The following IL1RAPL2 variants were observed in gnomAD, a reference collection of about 807,000 sequenced individuals.
IL1RAPL2 encodes X-linked interleukin-1 receptor accessory protein-like 2.
Under a neutral mutation model 44.1 loss-of-function variants are expected in IL1RAPL2, and 3 were observed. The ratio of observed to expected loss-of-function variants is 0.07; its 90% CI spans 0.03 to 0.18. The LOEUF (loss-of-function observed/expected upper bound fraction) is 0.18, where lower values mean the gene tolerates loss of function less well. IL1RAPL2 is among the 10% of genes least tolerant of loss of function. The pLI is 1.00. For synonymous variants in IL1RAPL2, 181 were observed against 178.8 expected (o/e 1.01, Z -0.10); for missense variants, 391 against 496.4 (o/e 0.79, Z 2.02).
intron 6 of IL1RAPL2, among the ~76,000 whole-genome samples, chrX:105,712,150 G>A (rs1366455889): frequency 8.9e-6 from 1 of 112,271 alleles, no homozygotes; most frequent in East Asian, 2.9e-4. Flanking sequence ...ACTGTCTGTG[G>A]TAGCTCTAGC....
chrX:105,749,481 T>C (rs2038578503), intron 9 of IL1RAPL2, among the ~76,000 whole-genome samples: 1 of 111,930 alleles, frequency 8.9e-6, no homozygotes, highest in Non-Finnish European at 1.9e-5. Flanking sequence ...TCCAATTTTT[T>C]TCAGAAAATG....
At chrX:105,714,618 G>A (rs191733803) in intron 6 of IL1RAPL2, among the ~76,000 whole-genome samples, 8 of 111,596 alleles carry the variant, frequency 7.2e-5, no homozygotes, top group East Asian at 2.8e-4. Context: ...ACAGAGAGAG[G>A]AAATCCAGCT....
At chrX:105,599,484 A>C (rs2037235178) in intron 6 of IL1RAPL2, among the ~76,000 whole-genome samples, 1 of 111,553 alleles carries the variant, frequency 9.0e-6, no homozygotes, top group Non-Finnish European at 1.9e-5. Flanking sequence ...ATTGAGTGTA[A>C]TATACCAGAC....
At chrX:105,113,442 G>A (rs918663289) in intron 2 of IL1RAPL2, among the ~76,000 whole-genome samples, 1 of 112,470 alleles carries the variant, frequency 8.9e-6, no homozygotes, top group African/African-American at 3.2e-5. Context: ...AGAGAGATTT[G>A]GAGGTGGGAC....
intron 6 of IL1RAPL2, among the ~76,000 whole-genome samples, chrX:105,649,885 G>C (rs1051891956): frequency 8.9e-6 from 1 of 111,753 alleles, no homozygotes; most frequent in Non-Finnish European, 1.9e-5. Context: ...CCAAGGAGGA[G>C]AGAAAAGATA....
intron 2 of IL1RAPL2, among the ~76,000 whole-genome samples, chrX:105,132,989 A>G (rs1347471407): frequency 1.8e-5 from 2 of 112,214 alleles, no homozygotes; most frequent in African/African-American, 3.2e-5. Context: ...GTATTCAATA[A>G]AAATGTTTCT....
chrX:105,263,764 G>A (rs1339164732), intron 4 of IL1RAPL2, among the ~76,000 whole-genome samples: 1 of 111,348 alleles, frequency 9.0e-6, no homozygotes, highest in African/African-American at 3.3e-5. Flanking sequence ...TGAGGGGATA[G>A]CAAGGCCACA....
At chrX:104,693,244 G>GA (rs1240608154) in intron 2 of IL1RAPL2, among the ~76,000 whole-genome samples, 2 of 111,337 alleles carry the variant, frequency 1.8e-5, no homozygotes, top group Non-Finnish European at 3.8e-5. Context: ...CATGTGTTAG[G>GA]AAAAAACTGG....
At position 105,224,729 on chromosome X, in the gene IL1RAPL2, A is replaced by T. The variant is rs1347581642; in HGVS notation, c.357-9089A>T. Among the ~76,000 whole-genome samples the T allele has an allele frequency of 2.7e-5, 3 of 112,188 alleles. No homozygotes were observed. In the Admixed American group the frequency reaches 2.8e-4, roughly 11 times the overall value. On this transcript the variant is annotated intron_variant, in intron 3 of 10. Coordinates refer to ENST00000372582, the MANE Select transcript of IL1RAPL2 (RefSeq NM_017416.2). ...ATAGTAACTATGAAATAACATATTGACAGATGCAAAAATATCAGTGTAATC... is the reference window on the plus strand; with the variant it reads ...ATAGTAACTATGAAATAACATATTGTCAGATGCAAAAATATCAGTGTAATC...
At chrX:105,466,190 C>A (rs1050239843) in intron 5 of IL1RAPL2, among the ~76,000 whole-genome samples, 1 of 110,674 alleles carries the variant, frequency 9.0e-6, no homozygotes, top group Non-Finnish European at 1.9e-5. Flanking sequence ...TGGAATTAGA[C>A]CCCTTGGTGA....
intron 5 of IL1RAPL2, among the ~76,000 whole-genome samples, chrX:105,463,574 A>C (rs1364216908): frequency 1.3e-5 from 1 of 75,065 alleles, no homozygotes; most frequent in African/African-American, 2.0e-4. Context: ...TCTCTCCCAC[A>C]CACACACACA....
intron 2 of IL1RAPL2, among the ~76,000 whole-genome samples, chrX:105,045,655 TTCCCACCTCAGCC>T (rs1264669486): frequency 9.0e-6 from 1 of 111,586 alleles, no homozygotes; most frequent in Non-Finnish European, 1.9e-5. Flanking sequence ...TTATGCAATC[TTCCCACCTCAGCC>T]TCCTGAGTAG....
chrX:105,072,644 T>A (rs2392624), intron 2 of IL1RAPL2, among the ~76,000 whole-genome samples: 2,192 of 111,122 alleles, frequency 0.02, 53 homozygotes, highest in African/African-American at 0.066. Context: ...CTTTTTTTTT[T>A]AAATTATTAC....
intron 2 of IL1RAPL2, among the ~76,000 whole-genome samples, chrX:104,848,237 A>G (rs754917066): frequency 2.7e-5 from 3 of 109,631 alleles, no homozygotes; most frequent in Admixed American, 2.0e-4. Context: ...TATGTTGAAT[A>G]GTAGTTTTAA....
intron 2 of IL1RAPL2, among the ~76,000 whole-genome samples, chrX:104,716,525 A>G (rs1316405034): frequency 1.8e-5 from 2 of 111,541 alleles, no homozygotes; most frequent in Non-Finnish European, 3.8e-5. Flanking sequence ...AAAACTATGC[A>G]TCTGACTAAG....
intron 2 of IL1RAPL2, among the ~76,000 whole-genome samples, chrX:105,109,893 G>A (rs766918731): frequency 4.5e-5 from 5 of 112,158 alleles, no homozygotes; most frequent in Admixed American, 9.4e-5. Context: ...GCTTCATCTC[G>A]TGAATTGCAC....
intron 2 of IL1RAPL2, among the ~76,000 whole-genome samples, chrX:105,037,609 C>T (rs971383895): frequency 1.8e-5 from 2 of 111,706 alleles, no homozygotes; most frequent in Non-Finnish European, 3.8e-5. Flanking sequence ...CCATGCTCTG[C>T]TTCCCCTCCT....
At chrX:105,322,403 G>T (rs189702566) in intron 5 of IL1RAPL2, among the ~76,000 whole-genome samples, 115 of 112,424 alleles carry the variant, frequency 1.0e-3, no homozygotes, top group East Asian at 8.7e-3. Flanking sequence ...TCTGATCAGG[G>T]TGTCACATAG....
intron 2 of IL1RAPL2, among the ~76,000 whole-genome samples, chrX:105,048,542 A>AT (rs981816633): frequency 9.0e-6 from 1 of 111,275 alleles, no homozygotes; most frequent in East Asian, 2.8e-4. Context: ...GATATTGCAC[A>AT]TTTTTTTTCA....
Sources: gnomAD v4.1 joint callset for allele counts (sites outside exome capture counted in the v4.1 genomes callset) on GRCh38, gnomAD v4.1.1 for gene constraint, MANE v1.5 for transcripts, NCBI Gene and HGNC (gene_info 2026-07-23, HGNC 2026-07-21) for gene names.